SND1: variants seen among roughly 807,000 people sequenced by gnomAD.
SND1 encodes staphylococcal nuclease and tudor domain containing 1.
SND1 carries 38 observed loss-of-function variants against 121.7 expected under a neutral mutation model. That is an observed-to-expected ratio of 0.31 (90% CI 0.24 to 0.41). SND1 has a LOEUF of 0.41. Among genes scored for constraint, SND1 ranks in the 10% least tolerant of loss-of-function variants. The pLI is 1.00. For missense variants in SND1, 868 were observed against 1,184.6 expected, an observed-to-expected ratio of 0.73 and a Z score of 3.92; for synonymous variants, 401 against 447.4, an observed-to-expected ratio of 0.90 and a Z score of 1.31.
intron 10 of SND1, among the ~76,000 whole-genome samples, chr7:127,750,828 T>C (rs530192368): frequency 1.3e-5 from 2 of 152,168 alleles, no homozygotes; most frequent in African/African-American, 4.8e-5. Context: ...TTGCAGCAAA[T>C]AATTTCAGCT....
chr7:127,796,166 T>C (rs142917603), intron 10 of SND1, among the ~76,000 whole-genome samples: 2,011 of 152,146 alleles, frequency 0.013, 27 homozygotes, highest in South Asian at 0.048. Flanking sequence ...TTATCTAGTA[T>C]AGTATAAAAT....
At chr7:127,893,006 T>A (rs957182290) in intron 13 of SND1, among the ~76,000 whole-genome samples, 3 of 152,166 alleles carry the variant, frequency 2.0e-5, no homozygotes, top group African/African-American at 7.2e-5. Flanking sequence ...TTAGCTGGCC[T>A]GCTACATATG....
intron 12 of SND1, among the ~76,000 whole-genome samples, chr7:127,869,614 A>G (rs887849390): frequency 6.6e-6 from 1 of 152,174 alleles, no homozygotes; most frequent in Admixed American, 6.5e-5. Flanking sequence ...GGGCCATCCC[A>G]TGTACCTTTC....
intron 12 of SND1, among the ~76,000 whole-genome samples, chr7:127,854,859 A>AAAGGGATTTGCTCCCTTTC (rs1286420759): frequency 1.3e-5 from 2 of 152,034 alleles, no homozygotes; most frequent in African/African-American, 2.4e-5. Flanking sequence ...ATTCTGCTTA[A>AAAGGGATTTGCTCCCTTTC]AAGGGATTTG....
intron 10 of SND1, among the ~76,000 whole-genome samples, chr7:127,746,568 C>T (rs915430569): frequency 3.9e-5 from 6 of 152,172 alleles, no homozygotes; most frequent in Admixed American, 2.0e-4. Flanking sequence ...AGAATGGAAA[C>T]GCCACAGGCA....
At chr7:127,912,367 G>A (rs1355904469) in intron 14 of SND1, among the ~76,000 whole-genome samples, 2 of 151,948 alleles carry the variant, frequency 1.3e-5, no homozygotes, top group African/African-American at 4.8e-5. Flanking sequence ...TGTTGTTTTT[G>A]GAGGGCACCC....
intron 10 of SND1, among the ~76,000 whole-genome samples, chr7:127,739,609 A>G (rs1351612214): frequency 6.6e-6 from 1 of 152,126 alleles, no homozygotes; most frequent in Non-Finnish European, 1.5e-5. Context: ...ACCAGGGGAG[A>G]GTGTAACTCA....
chr7:127,826,443 T>A (rs1221274764), intron 11 of SND1, among the ~76,000 whole-genome samples: 4 of 152,198 alleles, frequency 2.6e-5, no homozygotes, highest in Admixed American at 2.6e-4. Flanking sequence ...TCATCTAGAT[T>A]TGAGAGGATG....
intron 16 of SND1, among the ~76,000 whole-genome samples, chr7:128,023,277 C>T (rs950828179): frequency 2.0e-5 from 3 of 152,174 alleles, no homozygotes; most frequent in African/African-American, 7.2e-5. Flanking sequence ...GTGCTACCTT[C>T]TTCCTCCTAG....
chr7:127,842,109 A>G (rs1798976019), intron 11 of SND1, among the ~76,000 whole-genome samples: 3 of 152,186 alleles, frequency 2.0e-5, no homozygotes, highest in Non-Finnish European at 4.4e-5. Context: ...TGAGTTTTTG[A>G]AGAGAAGACA....
intron 15 of SND1, among the ~76,000 whole-genome samples, chr7:127,962,236 T>A (rs1292545662): frequency 1.3e-5 from 2 of 152,132 alleles, no homozygotes; most frequent in Non-Finnish European, 2.9e-5. Context: ...TCAAATAAAT[T>A]AAGCCTTGAA....
At chr7:128,062,675 C>A (rs906742398) in intron 16 of SND1, among the ~76,000 whole-genome samples, 1 of 152,168 alleles carries the variant, frequency 6.6e-6, no homozygotes, top group Non-Finnish European at 1.5e-5. Context: ...GTCTGTGTCC[C>A]TTTTGCCAAG....
rs180687404 is a variant in SND1, at chr7:127,704,628, A to G, written c.841-211A>G. 3.3e-5 allele frequency among the ~76,000 whole-genome samples: 5 copies of G among 152,298 alleles called. No homozygotes were observed. In the East Asian group the frequency reaches 7.7e-4, roughly 23 times the overall value. On this transcript the variant is annotated intron_variant, in intron 7 of 23. Coordinates refer to ENST00000354725, the MANE Select transcript of SND1 (RefSeq NM_014390.4). ...TATGGTGGATATTGTGGGGATACGA[A>G]GCCAAGGCTATTGAAAGGAGTCTCA... is the stretch of plus-strand genomic sequence containing the variant.
At chr7:127,975,424 C>CGTGTGTGTGTGT (rs66757341) in intron 15 of SND1, among the ~76,000 whole-genome samples, 1 of 147,454 alleles carries the variant, frequency 6.8e-6, no homozygotes, top group Non-Finnish European at 1.5e-5. Context: ...TGACTCCCCT[C>CGTGTGTGTGTGT]GTGTGTGTGT....
intron 14 of SND1, among the ~76,000 whole-genome samples, chr7:127,919,896 C>T (rs1418816197): frequency 2.0e-5 from 3 of 152,082 alleles, no homozygotes; most frequent in African/African-American, 4.8e-5. Flanking sequence ...TACCTGCTTT[C>T]GTAGAATATT....
chr7:127,899,805 G>A (rs1163120085), intron 13 of SND1, among the ~76,000 whole-genome samples: 9 of 152,104 alleles, frequency 5.9e-5, no homozygotes, highest in African/African-American at 2.2e-4. Flanking sequence ...AAATTGGTGA[G>A]GGCCTAGACC....
At chr7:128,079,691 A>T (rs1398495341) in intron 17 of SND1, among the ~76,000 whole-genome samples, 1 of 152,262 alleles carries the variant, frequency 6.6e-6, no homozygotes, top group Non-Finnish European at 1.5e-5. Flanking sequence ...GGGTTGACCC[A>T]AGGTGGTTCC....
chr7:127,894,712 T>C (rs1021745559), intron 13 of SND1, among the ~76,000 whole-genome samples: 1 of 151,994 alleles, frequency 6.6e-6, no homozygotes, highest in African/African-American at 2.4e-5. Context: ...GGTTAATCAG[T>C]TCTCCAAGAA....
intron 16 of SND1, among the ~76,000 whole-genome samples, chr7:128,044,213 C>G (rs1428220539): frequency 6.6e-6 from 1 of 152,232 alleles, no homozygotes; most frequent in Non-Finnish European, 1.5e-5. Flanking sequence ...TGTCGCCACA[C>G]TTGGGCCAAT....
Sources: allele counts gnomAD v4.1 joint callset (sites outside exome capture counted in the v4.1 genomes callset), GRCh38; gene constraint gnomAD v4.1.1; transcripts MANE v1.5; gene names NCBI Gene and HGNC (gene_info 2026-07-23, HGNC 2026-07-21).